The following DNAJC7 variants were observed in gnomAD, a reference collection of about 807,000 sequenced individuals.
DNAJC7 encodes DnaJ heat shock protein family (Hsp40) member C7, also known as dnaJ homolog subfamily C member 7.
Under a neutral mutation model 67.4 loss-of-function variants are expected in DNAJC7, and 18 were observed. The observed-to-expected ratio is 0.27, with a 90% confidence interval of 0.18 to 0.40. The LOEUF is 0.40. Ranked by LOEUF, DNAJC7 falls within the 10% of genes least tolerant of loss-of-function variation. DNAJC7 has a pLI of 1.00. For missense variants in DNAJC7, 419 were observed against 613.8 expected (o/e 0.68, Z 3.35); for synonymous variants, 220 against 207.8 (o/e 1.06, Z -0.50).
chr17:41,997,432 C>CAAAAA (rs550691498), intron 2 of DNAJC7, among the ~76,000 whole-genome samples, 193 bp from the exon 3 acceptor site: 1 of 118,370 alleles, frequency 8.4e-6, no homozygotes, highest in Non-Finnish European at 1.8e-5. Flanking sequence ...TACTAAAATA[C>CAAAAA]AAAAAAAAAA....
At chr17:41,978,169 G>A (rs782522959) in intron 12 of DNAJC7, among the ~76,000 whole-genome samples, 44 of 152,104 alleles carry the variant, frequency 2.9e-4, no homozygotes, top group Admixed American at 3.9e-4. Context: ...TGCCTGACTG[G>A]CTCTGTGCAC....
At chr17:41,986,079 A>AAAAAAG (rs2051369488) in intron 9 of DNAJC7, 2 of 141,412 alleles carry the variant, frequency 1.4e-5, no homozygotes, top group African/African-American at 2.8e-5. Context: ...AAAAAAAAAA[A>AAAAAAG]GGCCGGGCGC....
At chr17:41,984,365 G>A (rs2143135982) in intron 9 of DNAJC7, 1 of 146,152 alleles carries the variant, frequency 6.8e-6, no homozygotes, top group Admixed American at 7.0e-5. Flanking sequence ...GTGCAGTGGT[G>A]TGATCTCGGA....
chr17:41,976,474 T>A lies in DNAJC7; in HGVS notation c.*259A>T, dbSNP rs782811259. On this transcript the variant is annotated 3_prime_UTR_variant, in exon 14 of 14. Transcript: ENST00000457167. ...ACATTTTATTCTCTTTTTTTTTTCT[T>A]TTTTAATAAAGTTAAACAGTAAAAC... The A allele has an allele frequency of 6.5e-6, 3 of 462,214 alleles. No homozygotes were observed. The highest frequency in any genetic ancestry group is 1.1e-5 in the Non-Finnish European group (3 of 265,298). 28.6% of individuals were successfully genotyped at this position (462,214 alleles called of 1,614,324 possible). A position where few individuals can be genotyped will look rare whatever the true frequency, so the allele number is the denominator to read the frequency against.
chr17:41,997,024 T>G, intron 3 of DNAJC7, 91 bp downstream of exon 3: 7 of 1,582,720 alleles, frequency 4.4e-6, no homozygotes, highest in Non-Finnish European at 6.0e-6. Flanking sequence ...TGGTCCCAAA[T>G]GTCAGTAGTG....
At position 41,994,950 on chromosome 17, in the gene DNAJC7, C is replaced by T. The variant is rs782436737; in HGVS notation, c.406-6G>A. On this transcript the variant is annotated splice_polypyrimidine_tract_variant and splice_region_variant and intron_variant, in intron 4 of 13. Transcript: ENST00000457167. The stretch of plus-strand genomic sequence containing the variant: ...ACTGCATTAGCATTCTTGAACTGCA[C>T]CGGAAAATCAGACATAGGAAAGTTT... 5 of 1,611,542 alleles carry T rather than the reference C, an allele frequency of 3.1e-6. No individual in the cohort carries two copies. Among genetic ancestry groups the T allele is most frequent in the Non-Finnish European group, 2.5e-6 (3 of 1,178,550 alleles).
chr17:42,004,835 G>C (rs573687233), intron 1 of DNAJC7, among the ~76,000 whole-genome samples: 8 of 152,174 alleles, frequency 5.3e-5, no homozygotes, highest in Non-Finnish European at 8.8e-5. Flanking sequence ...AGAACAGCCT[G>C]GAAAACACAG....
Position 41,993,908 on chromosome 17 carries a change from C to T in DNAJC7, c.480+962G>A, listed in dbSNP as rs2078836618. ...AAAAAACAAAATTAGCCATGCGTGG[C>T]AGCACATGCCTGTAATCCCAGCTAC... On this transcript the variant is annotated intron_variant, in intron 5 of 13. Transcript: ENST00000457167. Among the ~76,000 whole-genome samples, 3 of 148,048 alleles carry T rather than the reference C, an allele frequency of 2.0e-5. No individual in the cohort carries two copies. In the Admixed American group the frequency reaches 2.1e-4, roughly 10 times the overall value.
intron 1 of DNAJC7, chr17:42,015,394 T>C: frequency 6.6e-6 from 1 of 152,224 alleles, no homozygotes; most frequent in East Asian, 1.9e-4. Flanking sequence ...TTTTATTATA[T>C]GTCTTCAGGT....
chr17:41,992,834 CAG>C (rs1162889595), intron 5 of DNAJC7: 2 of 152,152 alleles, frequency 1.3e-5, no homozygotes, highest in Non-Finnish European at 2.9e-5. Context: ...ATGTCACAAA[CAG>C]AGGATTCTGT....
rs1014155663 is a variant in DNAJC7, at chr17:42,003,664, A to C, written c.78-3094T>G. On this transcript the variant is annotated intron_variant, in intron 1 of 13. Transcript: ENST00000457167. ...GGTCAATTCATCTGATAGCCAAGTGAGGTTGTAACATGCACCTACTGAAAC... is the reference window on the plus strand; with the variant it reads ...GGTCAATTCATCTGATAGCCAAGTGCGGTTGTAACATGCACCTACTGAAAC... 7 of 152,138 alleles carry C rather than the reference A, an allele frequency of 4.6e-5. No individual in the cohort carries two copies. The East Asian group carries it at 1.3e-3, about 29-fold the overall frequency. 9.4% of individuals were successfully genotyped at this position (152,138 alleles called of 1,614,324 possible).
At position 41,983,641 on chromosome 17, in the gene DNAJC7, G is replaced by A; in HGVS notation, c.1011-5C>T. On this transcript the variant is annotated splice_region_variant and splice_polypyrimidine_tract_variant and intron_variant, in intron 9 of 13. Coordinates refer to ENST00000457167, the MANE Select transcript of DNAJC7 (RefSeq NM_003315.4). ...TACTGTTCTGTGTCCATGTAACTGA[G>A]AAGGAAATACAAGGCAATACAGCAC... 1.3e-6 allele frequency: 2 copies of A among 1,599,756 alleles called. No individual in the cohort carries two copies. Among genetic ancestry groups the A allele is most frequent in the Non-Finnish European group, 1.7e-6 (2 of 1,172,220 alleles).
At chr17:41,985,423 A>G (rs2051351605) in intron 9 of DNAJC7, 1 of 151,526 alleles carries the variant, frequency 6.6e-6, no homozygotes, top group Non-Finnish European at 1.5e-5. Flanking sequence ...CTGAATTAAA[A>G]AAAAAAAAAA....
chr17:42,010,877 T>C (rs1238015807), intron 1 of DNAJC7, among the ~76,000 whole-genome samples: 2 of 152,176 alleles, frequency 1.3e-5, no homozygotes, highest in African/African-American at 4.8e-5. Context: ...CCTATTACCA[T>C]TCTCAAAAGC....
rs1348310705 is a variant in DNAJC7 at position 42,011,186 on chromosome 17, ATTG to A, written c.77+6151_77+6153del. On this transcript the variant is annotated intron_variant, in intron 1 of 13. Coordinates refer to ENST00000457167, the MANE Select transcript of DNAJC7 (RefSeq NM_003315.4). ...CAAAGCAACTAGGCAACTGCTGACT[ATTG>A]TTCTCCAAACTTCTAAAGTCCCGAA... 3.9e-5 allele frequency: 6 copies of A among 152,364 alleles called. No individual in the cohort carries two copies. The East Asian group carries it at 7.7e-4, about 20-fold the overall frequency. The allele number at this position is 152,364 out of a possible 1,614,324, so 9.4% of individuals were successfully genotyped here.
chr17:42,007,088 C>T (rs1288995681), intron 1 of DNAJC7, among the ~76,000 whole-genome samples: 1 of 150,110 alleles, frequency 6.7e-6, no homozygotes, highest in Non-Finnish European at 1.5e-5. Flanking sequence ...GGCAACAGAG[C>T]AAGATCCTGT....
At chr17:41,987,737 G>C in intron 9 of DNAJC7, 82 bp downstream of exon 9, 2 of 1,199,756 alleles carry the variant, frequency 1.7e-6, no homozygotes, top group East Asian at 2.5e-5. Flanking sequence ...CAACATCTCT[G>C]GGTCTGCTTC....
rs921966182 is a variant in DNAJC7 at position 41,999,227 on chromosome 17, C to T, written c.166+1255G>A. 2.6e-5 allele frequency among the ~76,000 whole-genome samples: 4 copies of T among 151,488 alleles called. No homozygotes were observed. In the South Asian group the frequency reaches 6.2e-4, roughly 24 times the overall value. ...CCTCCCGAGTAGCTGGGATTACAAG[C>T]GCCCACCACACCTGGCTAATTTTTG... On this transcript the variant is annotated intron_variant, in intron 2 of 13. Transcript: ENST00000457167.
intron 1 of DNAJC7, among the ~76,000 whole-genome samples, chr17:42,001,857 G>C (rs1007743705): frequency 6.6e-6 from 1 of 152,090 alleles, no homozygotes; most frequent in Non-Finnish European, 1.5e-5. Flanking sequence ...CACTGTCCTG[G>C]CAAGCCCTAC....
Sources: allele counts gnomAD v4.1 joint callset (sites outside exome capture counted in the v4.1 genomes callset), GRCh38; gene constraint gnomAD v4.1.1; transcripts MANE v1.5; gene names NCBI Gene and HGNC (gene_info 2026-07-23, HGNC 2026-07-21).